ASIP: variants seen among roughly 807,000 people sequenced by gnomAD.
ASIP encodes the protein agouti signaling protein.
Under a neutral mutation model 10.3 loss-of-function variants are expected in ASIP, and 11 were observed. The observed-to-expected ratio is 1.07, with a 90% CI of 0.68 to 1.78. The LOEUF is 1.78. Among genes scored for constraint, ASIP ranks in the 40% most tolerant of loss-of-function variants. ASIP has a pLI of 0.00. For missense variants in ASIP, 180 were observed against 169.2 expected, an observed-to-expected ratio of 1.06 and a Z score of -0.35; for synonymous variants, 70 against 70.8, an observed-to-expected ratio of 0.99 and a Z score of 0.06.
intron 1 of ASIP, among the ~76,000 whole-genome samples, chr20:34,226,188 C>T (rs1349097200): frequency 6.6e-6 from 1 of 152,102 alleles, no homozygotes; most frequent in African/African-American, 2.4e-5. Flanking sequence ...GTGAGCCACA[C>T]GCTCAGCTGA....
At chr20:34,259,749 T>TAAA (rs879668897) in intron 1 of ASIP, among the ~76,000 whole-genome samples, 2 of 142,786 alleles carry the variant, frequency 1.4e-5, no homozygotes, top group African/African-American at 2.6e-5. Context: ...AGACTCCATC[T>TAAA]AAAAAAAAAA....
intron 1 of ASIP, among the ~76,000 whole-genome samples, chr20:34,256,039 T>TCATGTTCCACCCC (rs1438076418): frequency 6.6e-6 from 1 of 152,268 alleles, no homozygotes; most frequent in Admixed American, 6.5e-5. Flanking sequence ...TGGTCCGCTT[T>TCATGTTCCACCCC]CATGTTCCAC....
upstream of ASIP, among the ~76,000 whole-genome samples, chr20:34,237,501 T>C (rs931791636): frequency 1.3e-5 from 2 of 152,230 alleles, no homozygotes; most frequent in African/African-American, 4.8e-5. Context: ...GATATAACTT[T>C]GTATCCTGCT....
chr20:34,193,341 A>G (rs922931092), upstream of ASIP, among the ~76,000 whole-genome samples: 7 of 152,204 alleles, frequency 4.6e-5, no homozygotes, highest in African/African-American at 1.7e-4. Flanking sequence ...GAAAAGGGAT[A>G]ATAAGCCAAA....
intron 1 of ASIP, among the ~76,000 whole-genome samples, chr20:34,257,116 C>G (rs1458281246): frequency 6.8e-6 from 1 of 147,572 alleles, no homozygotes; most frequent in Non-Finnish European, 1.5e-5. Context: ...GACAGTTTCC[C>G]TCTTTCACCC....
chr20:34,243,089 C>G (rs1208109797), intron 1 of ASIP, among the ~76,000 whole-genome samples: 1 of 152,212 alleles, frequency 6.6e-6, no homozygotes, highest in Non-Finnish European at 1.5e-5. Context: ...GAATGAACAT[C>G]TGGGAAGCCT....
chr20:34,214,171 C>A (rs2034992489), intron 1 of ASIP: 1 of 1,215,046 alleles, frequency 8.2e-7, no homozygotes, highest in Non-Finnish European at 1.2e-6. Context: ...TTCAAAATAT[C>A]CTCAATGAAA....
intron 1 of ASIP, among the ~76,000 whole-genome samples, chr20:34,251,944 G>GA (rs2122634655): frequency 6.6e-6 from 1 of 152,270 alleles, no homozygotes; most frequent in East Asian, 1.9e-4. Flanking sequence ...CCGTTGTTTA[G>GA]AAACCACCCA....
At chr20:34,197,939 T>C (rs776104806) in intron 1 of ASIP, among the ~76,000 whole-genome samples, 2 of 152,114 alleles carry the variant, frequency 1.3e-5, no homozygotes, top group Non-Finnish European at 2.9e-5. Context: ...CCTCCTCTAC[T>C]AGCAAGAATT....
At chr20:34,255,894 C>T (rs1433799947) in intron 1 of ASIP, among the ~76,000 whole-genome samples, 1 of 152,172 alleles carries the variant, frequency 6.6e-6, no homozygotes, top group Non-Finnish European at 1.5e-5. Context: ...AAGGGAGTCT[C>T]CCTTTCCCCG....
upstream of ASIP, among the ~76,000 whole-genome samples, chr20:34,236,469 AG>A (rs1385699097): frequency 4.6e-5 from 7 of 152,128 alleles, no homozygotes; most frequent in Non-Finnish European, 7.4e-5. Context: ...GCTTGAATCC[AG>A]GAGGTGGACG....
chr20:34,266,869 T>G (rs2035795808), intron 3 of ASIP, among the ~76,000 whole-genome samples: 1 of 152,198 alleles, frequency 6.6e-6, no homozygotes, highest in African/African-American at 2.4e-5. Flanking sequence ...GTTCCCACTT[T>G]GGGAAATACT....
At chr20:34,238,464 G>T (rs1000694309), upstream of ASIP, among the ~76,000 whole-genome samples, 7 of 151,894 alleles carry the variant, frequency 4.6e-5, no homozygotes. Flanking sequence ...TTAAATTTTG[G>T]TTATTGTACT....
At chr20:34,248,285 G>A (rs2035414106) in intron 1 of ASIP, among the ~76,000 whole-genome samples, 1 of 152,018 alleles carries the variant, frequency 6.6e-6, no homozygotes, top group Non-Finnish European at 1.5e-5. Flanking sequence ...ATGAACTTAT[G>A]ACATCTCAAT....
chr20:34,193,263 A>C (rs908696030), upstream of ASIP, among the ~76,000 whole-genome samples: 1 of 152,294 alleles, frequency 6.6e-6, no homozygotes, highest in African/African-American at 2.4e-5. Context: ...TCTTTAAACC[A>C]ACTTTGTAGT....
chr20:34,191,231 T>C (rs530525113), upstream of ASIP, among the ~76,000 whole-genome samples: 1 of 152,300 alleles, frequency 6.6e-6, no homozygotes, highest in African/African-American at 2.4e-5. Flanking sequence ...CAACAATGAG[T>C]AGCAAATCCA....
intron 1 of ASIP, among the ~76,000 whole-genome samples, chr20:34,210,392 C>T (rs2034966804): frequency 6.6e-6 from 1 of 152,242 alleles, no homozygotes; most frequent in African/African-American, 2.4e-5. Flanking sequence ...AAGCTGCTTG[C>T]AGTGTGTCTG....
chr20:34,255,473 G>A (rs1044767664), intron 1 of ASIP, among the ~76,000 whole-genome samples: 8 of 152,082 alleles, frequency 5.3e-5, no homozygotes, highest in Non-Finnish European at 1.2e-4. Context: ...GGCAAGCCAC[G>A]CAGGTGCCAA....
chr20:34,219,977 CTACTA>C (rs2035034528), intron 1 of ASIP, among the ~76,000 whole-genome samples: 1 of 152,094 alleles, frequency 6.6e-6, no homozygotes, highest in Non-Finnish European at 1.5e-5. Flanking sequence ...GTAGTCCCAG[CTACTA>C]GGGAGGCTGA....
Sources: gnomAD v4.1 joint callset for allele counts (sites outside exome capture counted in the v4.1 genomes callset) on GRCh38, gnomAD v4.1.1 for gene constraint, MANE v1.5 for transcripts, NCBI Gene and HGNC (gene_info 2026-07-23, HGNC 2026-07-21) for gene names.